The following USP54 variants were observed in gnomAD, a reference collection of about 807,000 sequenced individuals.
The protein encoded by USP54 is ubiquitin specific peptidase 54, also known as ubiquitin carboxyl-terminal hydrolase 54.
Under a neutral mutation model 170.5 loss-of-function variants are expected in USP54, and 87 were observed. The observed-to-expected ratio is 0.51, with a 90% CI of 0.43 to 0.61. The LOEUF is 0.61. Ranked by LOEUF, USP54 falls within the 20% of genes least tolerant of loss-of-function variation. USP54 has a pLI of 0.00. For synonymous variants in USP54, 655 were observed against 742.8 expected (o/e 0.88, Z 1.92); for missense variants, 1,786 against 2,047.8 (o/e 0.87, Z 2.47).
chr10:73,537,501 T>G (rs1007680465), intron 10 of USP54, among the ~76,000 whole-genome samples: 9 of 152,090 alleles, frequency 5.9e-5, no homozygotes, highest in African/African-American at 2.2e-4. Context: ...AACCACAAAC[T>G]CTGTGGTTTA....
Position 73,517,499 on chromosome 10 carries a change from T to C in USP54, c.2927A>G (p.Lys976Arg), listed in dbSNP as rs1427696018. The C allele has an allele frequency of 6.2e-7, 1 of 1,614,186 alleles. No individual in the cohort carries two copies. Among genetic ancestry groups the C allele is most frequent in the Non-Finnish European group, 8.5e-7 (1 of 1,180,032 alleles). ...ATTCTTCTCAGTCCACCCTGGTGCT[T>C]TAGGTAAACCTTGCCTGTGGAATGC... Reference protein sequence around the residue: ...PSAFHRQGLPKAPGWTEKNSH... With the variant: ...PSAFHRQGLPRAPGWTEKNSH... The change falls in exon 20 of 24, where the codon AAA becomes AGA. Residue 976 changes from lysine to arginine, a missense_variant. Lys to Arg is a conservative substitution (Grantham distance 26). Around this residue, in one of 3 missense-constraint regions of USP54, gnomAD observed 1,418 missense variants for 1,569.0 expected, o/e 0.90. Transcript: ENST00000687698.
intron 4 of USP54, among the ~76,000 whole-genome samples, chr10:73,554,964 A>G (rs2070590677): frequency 6.6e-6 from 1 of 152,212 alleles, no homozygotes; most frequent in African/African-American, 2.4e-5. Context: ...TTAACTGGGT[A>G]CAGTGGCATA....
At chr10:73,610,573 G>A (rs1309912803) in intron 1 of USP54, among the ~76,000 whole-genome samples, 2 of 151,896 alleles carry the variant, frequency 1.3e-5, no homozygotes, top group African/African-American at 2.4e-5. Context: ...GCAGTGAGCC[G>A]AGTTCGCACC....
intron 1 of USP54, among the ~76,000 whole-genome samples, chr10:73,618,116 C>G (rs1033819880): frequency 2.0e-5 from 3 of 149,532 alleles, no homozygotes; most frequent in Non-Finnish European, 2.9e-5. Flanking sequence ...GAGGCTGAGG[C>G]AGGAAAATTG....
At chr10:73,592,996 G>C (rs2078402232), upstream of USP54, among the ~76,000 whole-genome samples, 1 of 152,180 alleles carries the variant, frequency 6.6e-6, no homozygotes, top group South Asian at 2.1e-4. Flanking sequence ...TCAACCACTG[G>C]GCTTCGCCAT....
chr10:73,593,204 AAAAG>A (rs1370251264), upstream of USP54, among the ~76,000 whole-genome samples: 5 of 151,694 alleles, frequency 3.3e-5, no homozygotes, highest in Non-Finnish European at 7.4e-5. Flanking sequence ...ACAAAAAAAA[AAAAG>A]AAAGAAAGAA....
At chr10:73,539,646 A>G in intron 9 of USP54, 53 bp from the exon 10 acceptor site, 2 of 1,530,498 alleles carry the variant, frequency 1.3e-6, no homozygotes, top group Non-Finnish European at 1.8e-6. Flanking sequence ...ACCATTCCAC[A>G]TCATCTCTCA....
At chr10:73,505,930 CTTCAT>C (rs1303964672) in intron 20 of USP54, 1 of 152,238 alleles carries the variant, frequency 6.6e-6, no homozygotes, top group Non-Finnish European at 1.5e-5. Context: ...CCCCATCTTG[CTTCAT>C]TTCATTTTTG....
chr10:73,565,723 A>G (rs1442917712), intron 4 of USP54, among the ~76,000 whole-genome samples: 1 of 152,226 alleles, frequency 6.6e-6, no homozygotes, highest in Non-Finnish European at 1.5e-5. Flanking sequence ...AGTTGAAGAC[A>G]TACATATTCT....
Position 73,504,954 on chromosome 10 carries a change from C to T in USP54, c.4207G>A (p.Glu1403Lys), listed in dbSNP as rs748582976. 1 of 1,614,164 alleles carries T rather than the reference C, an allele frequency of 6.2e-7. No individual in the cohort carries two copies. Among genetic ancestry groups the T allele is most frequent in the Admixed American group, 1.7e-5 (1 of 60,014 alleles). The change falls in exon 22 of 24, where the codon GAG becomes AAG. Residue 1403 changes from glutamate to lysine, a missense_variant. Coordinates refer to ENST00000687698, the MANE Select transcript of USP54 (RefSeq NM_001391956.1). Reference protein sequence around the residue: ...PCRGLSRECGEDEQYSAENLR... With the variant: ...PCRGLSRECGKDEQYSAENLR... ...TTCTCTGCACTGTACTGCTCATCCT[C>T]CCCACACTCCCTGCTGAGGCCTCGG...
At chr10:73,522,490 T>C (rs2133331468) in intron 17 of USP54, among the ~76,000 whole-genome samples, 1 of 152,146 alleles carries the variant, frequency 6.6e-6, no homozygotes, top group African/African-American at 2.4e-5. Flanking sequence ...GCCAGTGGGA[T>C]CTCCTCCTAA....
intron 4 of USP54, among the ~76,000 whole-genome samples, chr10:73,548,781 T>G (rs557993315): frequency 6.6e-6 from 1 of 152,262 alleles, no homozygotes; most frequent in East Asian, 1.9e-4. Flanking sequence ...CTAATATAAA[T>G]GACGAACTGA....
intron 1 of USP54, among the ~76,000 whole-genome samples, chr10:73,622,966 A>T (rs2132369066): frequency 6.6e-6 from 1 of 151,718 alleles, no homozygotes; most frequent in Admixed American, 6.6e-5. Context: ...AAGGGCTTAA[A>T]TTATGAACTG....
chr10:73,596,324 G>A (rs28787888), upstream of USP54, among the ~76,000 whole-genome samples: 19 of 152,164 alleles, frequency 1.2e-4, no homozygotes, highest in African/African-American at 3.6e-4. Context: ...TTGGGAGGCC[G>A]AGGCGGGCAG....
intron 19 of USP54, 63 bp from the exon 20 acceptor site, chr10:73,517,810 A>G (rs2061289433): frequency 6.6e-7 from 1 of 1,517,784 alleles, no homozygotes; most frequent in Admixed American, 2.1e-5. Context: ...TTACAGAAAG[A>G]ACTCAACATT....
intron 7 of USP54, 75 bp from the exon 8 acceptor site, chr10:73,541,813 C>T: frequency 7.0e-7 from 1 of 1,431,766 alleles, no homozygotes; most frequent in Non-Finnish European, 9.7e-7. Flanking sequence ...ATGTACATTC[C>T]TAACTCACAC....
intron 3 of USP54, among the ~76,000 whole-genome samples, chr10:73,574,318 A>T (rs2075757877): frequency 6.6e-6 from 1 of 151,086 alleles, no homozygotes; most frequent in African/African-American, 2.5e-5. Flanking sequence ...AAAACAGGAG[A>T]GCTCAAAGAG....
At chr10:73,568,172 CA>C (rs983578691) in intron 4 of USP54, among the ~76,000 whole-genome samples, 1 of 152,130 alleles carries the variant, frequency 6.6e-6, no homozygotes, top group Non-Finnish European at 1.5e-5. Context: ...CTTAGCATCC[CA>C]AAGCACTGGG....
At chr10:73,613,255 C>T (rs531684768) in intron 1 of USP54, among the ~76,000 whole-genome samples, 3 of 150,744 alleles carry the variant, frequency 2.0e-5, no homozygotes, top group East Asian at 2.0e-4. Flanking sequence ...CCTCAGCATC[C>T]GGAGTAGCTG....
Sources: allele counts gnomAD v4.1 joint callset (sites outside exome capture counted in the v4.1 genomes callset), GRCh38; gene constraint gnomAD v4.1.1; regional missense constraint gnomAD v4.1.1; transcripts MANE v1.5; gene names NCBI Gene and HGNC (gene_info 2026-07-23, HGNC 2026-07-21).